The following DHRS7B variants were observed in gnomAD, a reference collection of about 807,000 sequenced individuals.
DHRS7B encodes the protein dehydrogenase/reductase 7B.
In DHRS7B, 24 loss-of-function variants were observed where a neutral mutation model predicts 26.4. The ratio of observed to expected loss-of-function variants is 0.91; its 90% CI spans 0.66 to 1.28. DHRS7B has a LOEUF of 1.28. Among genes scored for constraint, DHRS7B ranks in the 50% most tolerant of loss-of-function variants. The pLI is 0.00. For synonymous variants in DHRS7B, 142 were observed against 166.4 expected (o/e 0.85, Z 1.13); for missense variants, 368 against 419.4 (o/e 0.88, Z 1.07).
chr17:21,140,052 T>C (rs1973459369), intron 1 of DHRS7B, among the ~76,000 whole-genome samples: 1 of 111,050 alleles, frequency 9.0e-6, no homozygotes, highest in African/African-American at 3.5e-5. Context: ...TGAGACAGAG[T>C]CTCACTCTGT....
rs537659522 is a variant in DHRS7B at position 21,184,199 on chromosome 17, C to T, written c.527-172C>T. Among the ~76,000 whole-genome samples, 4 of 152,332 alleles carry T rather than the reference C, an allele frequency of 2.6e-5. No individual in the cohort carries two copies. The East Asian group carries it at 7.7e-4, about 29-fold the overall frequency. On this transcript the variant is annotated intron_variant, in intron 4 of 6. Coordinates refer to ENST00000395511, the MANE Select transcript of DHRS7B (RefSeq NM_015510.5). Reference sequence around the variant, plus strand: ...CTCCTCTCTCCTGCTGGCCTGCTGGCACTCTGCTGGGCATAGGAGGCTGGA... The same window carrying T: ...CTCCTCTCTCCTGCTGGCCTGCTGGTACTCTGCTGGGCATAGGAGGCTGGA...
At chr17:21,186,938 A>T (rs774069401) in intron 5 of DHRS7B, among the ~76,000 whole-genome samples, 1 of 152,132 alleles carries the variant, frequency 6.6e-6, no homozygotes, top group Non-Finnish European at 1.5e-5. Context: ...GATGGGGCCA[A>T]TTCTGTCACT....
At chr17:21,128,887 A>G (rs1973164670) in intron 1 of DHRS7B, 2 of 151,572 alleles carry the variant, frequency 1.3e-5, no homozygotes, top group South Asian at 4.1e-4. Flanking sequence ...AAAAAAAAAA[A>G]AAAAAAAGTG....
chr17:21,159,075 G>C (rs1281874005), intron 1 of DHRS7B, among the ~76,000 whole-genome samples: 2 of 151,892 alleles, frequency 1.3e-5, no homozygotes, highest in Non-Finnish European at 2.9e-5. Context: ...GATAACATAA[G>C]AGAAAATTTG....
chr17:21,172,388 A>T, intron 2 of DHRS7B, 192 bp downstream of exon 2: 2 of 423,860 alleles, frequency 4.7e-6, no homozygotes, highest in Non-Finnish European at 8.0e-6. Context: ...GTGAGAAATG[A>T]CTCAGCGTCA....
Position 21,188,880 on chromosome 17 carries a change from C to G in DHRS7B, c.772+17C>G. ...GGTATGGAGGTGAGGCCCGGTTTCT[C>G]TTTTCTCCTATGAAAATCTGTCGGT... On this transcript the variant is annotated intron_variant, in intron 6 of 6. Transcript: ENST00000395511. The G allele has an allele frequency of 1.2e-6, 2 of 1,614,144 alleles. No homozygotes were observed. The highest frequency in any genetic ancestry group is 1.3e-5 in the African/African-American group (1 of 75,042).
chr17:21,187,553 G>A (rs1265160377), intron 5 of DHRS7B, among the ~76,000 whole-genome samples: 1 of 151,036 alleles, frequency 6.6e-6, no homozygotes, highest in African/African-American at 2.4e-5. Context: ...GTGAACCCGG[G>A]AGGCGGAGTT....
intron 1 of DHRS7B, among the ~76,000 whole-genome samples, chr17:21,167,165 T>G (rs1343105093): frequency 6.6e-6 from 1 of 152,080 alleles, no homozygotes; most frequent in Non-Finnish European, 1.5e-5. Flanking sequence ...TAGTCTCATG[T>G]CTAATTTGAG....
intron 1 of DHRS7B, among the ~76,000 whole-genome samples, chr17:21,135,003 A>G (rs1973311581): frequency 6.6e-6 from 1 of 152,138 alleles, no homozygotes; most frequent in Non-Finnish European, 1.5e-5. Context: ...TGCATTCAAG[A>G]GCACCTGTTA....
rs187236331 is a variant in DHRS7B, at chr17:21,188,871, C to T, written c.772+8C>T. 109 of 1,614,106 alleles carry T rather than the reference C, an allele frequency of 6.8e-5. No homozygotes were observed. Among genetic ancestry groups the T allele is most frequent in the Middle Eastern group, 4.9e-4 (3 of 6,062 alleles). On this transcript the variant is annotated splice_region_variant and intron_variant, in intron 6 of 6. Transcript: ENST00000395511. ...ATGGATCTAGGTATGGAGGTGAGGC[C>T]CGGTTTCTCTTTTCTCCTATGAAAA...
chr17:21,138,097 T>TACACAC (rs1342290821), intron 1 of DHRS7B, among the ~76,000 whole-genome samples: 5,898 of 87,118 alleles, frequency 0.068, 249 homozygotes, highest in African/African-American at 0.082. Context: ...TATATATATA[T>TACACAC]ATATACACAC....
intron 1 of DHRS7B, among the ~76,000 whole-genome samples, chr17:21,138,093 T>TACACACACACACACACAC: frequency 2.6e-5 from 2 of 78,198 alleles, no homozygotes; most frequent in African/African-American, 6.1e-5. Context: ...TATATATATA[T>TACACACACACACACACAC]ATATATATAC....
chr17:21,147,371 T>C (rs551248415), intron 1 of DHRS7B, among the ~76,000 whole-genome samples: 1 of 152,224 alleles, frequency 6.6e-6, no homozygotes, highest in East Asian at 1.9e-4. Context: ...TAAGAATATA[T>C]ATTTGGACTA....
At chr17:21,138,066 T>TTAAAAAAAAAA (rs71357468) in intron 1 of DHRS7B, among the ~76,000 whole-genome samples, 1 of 35,230 alleles carries the variant, frequency 2.8e-5, no homozygotes, top group African/African-American at 1.7e-4. Flanking sequence ...CGGCCTCTTT[T>TTAAAAAAAAAA]AAAAAAAAAA....
chr17:21,168,820 C>T (rs1358046596), intron 1 of DHRS7B: 3 of 985,344 alleles, frequency 3.0e-6, no homozygotes, highest in Non-Finnish European at 3.6e-6. Context: ...AAGTGGTCTC[C>T]AGGGCCAGGA....
intron 3 of DHRS7B, among the ~76,000 whole-genome samples, chr17:21,178,662 T>G (rs1974443732): frequency 6.6e-6 from 1 of 151,676 alleles, no homozygotes; most frequent in Non-Finnish European, 1.5e-5. Context: ...AAGGTGTTTT[T>G]TTTTTTTTTT....
At chr17:21,184,567 T>G (rs1461168362) in intron 5 of DHRS7B, 104 bp downstream of exon 5, 10 of 1,176,394 alleles carry the variant, frequency 8.5e-6, no homozygotes, top group Non-Finnish European at 1.2e-5. Flanking sequence ...AGAAATAAAC[T>G]ATCCAGAATG....
In DHRS7B at chr17:21,155,869, T is replaced by A. The variant is rs147960481; in HGVS notation, c.21-16149T>A. Among the ~76,000 whole-genome samples, 12 of 152,220 alleles carry A rather than the reference T, an allele frequency of 7.9e-5. No individual in the cohort carries two copies. The East Asian group carries it at 2.1e-3, about 27-fold the overall frequency. ...AAACAACATACTTGTGAATAACACATGGGTTAAAGAAGAAATCTCAAGAGA... is the reference window on the plus strand; with the variant it reads ...AAACAACATACTTGTGAATAACACAAGGGTTAAAGAAGAAATCTCAAGAGA... On this transcript the variant is annotated intron_variant, in intron 1 of 6. Coordinates refer to ENST00000395511, the MANE Select transcript of DHRS7B (RefSeq NM_015510.5).
At chr17:21,150,565 C>T (rs997880578) in intron 1 of DHRS7B, among the ~76,000 whole-genome samples, 8 of 152,028 alleles carry the variant, frequency 5.3e-5, no homozygotes, top group Non-Finnish European at 8.8e-5. Flanking sequence ...TGCAATGAGC[C>T]GAGATTGCAC....
Sources: allele counts gnomAD v4.1 joint callset (sites outside exome capture counted in the v4.1 genomes callset), GRCh38; gene constraint gnomAD v4.1.1; transcripts MANE v1.5; gene names NCBI Gene and HGNC (gene_info 2026-07-23, HGNC 2026-07-21).